The following MTUS1 variants were observed in gnomAD, a reference collection of about 807,000 sequenced individuals.
MTUS1 encodes the protein microtubule-associated tumor suppressor 1.
Under a neutral mutation model 120.8 loss-of-function variants are expected in MTUS1, and 109 were observed. The observed-to-expected ratio is 0.90, with a 90% confidence interval of 0.77 to 1.06. The LOEUF (loss-of-function observed/expected upper bound fraction) is 1.06. Among genes scored for constraint, MTUS1 ranks in the 50% least tolerant of loss-of-function variants. The pLI is 0.00. For synonymous variants in MTUS1, 737 were observed against 550.5 expected (o/e 1.34, Z -4.74); for missense variants, 2,210 against 1,486.3 (o/e 1.49, Z -8.01).
At chr8:17,654,304 C>T in intron 10 of MTUS1, 5 of 489,640 alleles carry the variant, frequency 1.0e-5, no homozygotes, top group Non-Finnish European at 1.8e-5. Flanking sequence ...GCAACCACCA[C>T]CGCCAAAATG....
chr8:17,653,171 G>GCA lies in MTUS1; in HGVS notation c.3384+13_3384+14dup. ...AGAAAAATTCCATACTGATAAAGGAGCACACACAACTTACCAAATTTGCTT... is the reference window on the plus strand; with the variant it reads ...AGAAAAATTCCATACTGATAAAGGAGCACACACACAACTTACCAAATTTGCTT... On this transcript the variant is annotated intron_variant, in intron 12 of 14. Coordinates refer to ENST00000693296, the MANE Select transcript of MTUS1 (RefSeq NM_001363059.2). 7.0e-7 allele frequency: 1 copy of GCA among 1,428,432 alleles called. No homozygotes were observed. The highest frequency in any genetic ancestry group is 9.5e-7 in the Non-Finnish European group (1 of 1,050,902). The allele number at this position is 1,428,432 out of a possible 1,614,324, so 88.5% of individuals were successfully genotyped here.
intron 1 of MTUS1, among the ~76,000 whole-genome samples, chr8:17,773,703 A>G (rs1038773763): frequency 6.6e-6 from 1 of 152,160 alleles, no homozygotes; most frequent in Non-Finnish European, 1.5e-5. Context: ...AATTATCTAA[A>G]TCTAATTACC....
intron 1 of MTUS1, among the ~76,000 whole-genome samples, chr8:17,774,353 T>G (rs2050246107): frequency 6.6e-6 from 1 of 152,218 alleles, no homozygotes; most frequent in Non-Finnish European, 1.5e-5. Flanking sequence ...TTGCTTTTCC[T>G]ACTTGATTCT....
chr8:17,789,702 C>G (rs899613805), intron 1 of MTUS1, among the ~76,000 whole-genome samples: 2 of 152,186 alleles, frequency 1.3e-5, no homozygotes, highest in Non-Finnish European at 2.9e-5. Context: ...CTATGTTAGG[C>G]TTTCTGCTAG....
chr8:17,692,079 T>C (rs945061694), intron 6 of MTUS1: 1 of 152,132 alleles, frequency 6.6e-6, no homozygotes, highest in African/African-American at 2.4e-5. Context: ...TGTTGCAAGA[T>C]CCAACTTGTT....
At chr8:17,748,380 T>A (rs1449422552) in intron 2 of MTUS1, 1 of 152,292 alleles carries the variant, frequency 6.6e-6, no homozygotes, top group Non-Finnish European at 1.5e-5. Context: ...ATCCTTCAGG[T>A]GTCCATGTGA....
chr8:17,779,268 C>T (rs907932524), intron 1 of MTUS1, among the ~76,000 whole-genome samples: 1 of 152,136 alleles, frequency 6.6e-6, no homozygotes, highest in African/African-American at 2.4e-5. Context: ...TGGCCTCCTA[C>T]ATAAGAAGCC....
At chr8:17,765,678 C>CCACACACACACACACA (rs60406848) in intron 1 of MTUS1, among the ~76,000 whole-genome samples, 37 of 130,162 alleles carry the variant, frequency 2.8e-4, no homozygotes, top group South Asian at 2.6e-4. Context: ...AATACAGACA[C>CCACACACACACACACA]CACACACACA....
intron 6 of MTUS1, among the ~76,000 whole-genome samples, chr8:17,694,218 G>T (rs974553146): frequency 6.6e-6 from 1 of 152,158 alleles, no homozygotes; most frequent in African/African-American, 2.4e-5. Context: ...TGAGCCAGTG[G>T]CACCAGCCAG....
chr8:17,779,403 C>T (rs750832198), intron 1 of MTUS1, among the ~76,000 whole-genome samples: 7 of 152,144 alleles, frequency 4.6e-5, no homozygotes, highest in Non-Finnish European at 1.0e-4. Context: ...CAAAAATGAT[C>T]AACACATGTA....
At chr8:17,695,629 T>C (rs1817790606) in intron 6 of MTUS1, among the ~76,000 whole-genome samples, 1 of 152,230 alleles carries the variant, frequency 6.6e-6, no homozygotes, top group Non-Finnish European at 1.5e-5. Context: ...ACAGACAACT[T>C]AGAATGTCTA....
chr8:17,790,917 G>A (rs940302391), intron 1 of MTUS1, among the ~76,000 whole-genome samples: 1 of 152,134 alleles, frequency 6.6e-6, no homozygotes, highest in African/African-American at 2.4e-5. Context: ...AATCCGGGAG[G>A]TGGAGGTTGC....
chr8:17,645,586 ATCT>A lies in MTUS1; in HGVS notation c.*337_*339del. ...GTGAAGAACATTACAAAGGTTATAA[ATCT>A]TAATAGGGCCCTGAGAGTTTTTCCC... On this transcript the variant is annotated 3_prime_UTR_variant, in exon 15 of 15. Coordinates refer to ENST00000693296, the MANE Select transcript of MTUS1 (RefSeq NM_001363059.2). 1 of 200,972 alleles carries A rather than the reference ATCT, an allele frequency of 5.0e-6. No homozygotes were observed. Among genetic ancestry groups the A allele is most frequent in the Non-Finnish European group, 1.0e-5 (1 of 99,614 alleles). The allele number at this position is 200,972 out of a possible 1,614,324, so 12.4% of individuals were successfully genotyped here. A position where few individuals can be genotyped will look rare whatever the true frequency, so the allele number is the denominator to read the frequency against.
chr8:17,730,035 G>A (rs146445139), intron 3 of MTUS1, among the ~76,000 whole-genome samples: 5 of 150,120 alleles, frequency 3.3e-5, no homozygotes, highest in Non-Finnish European at 5.9e-5. Context: ...GTGTTGGCAA[G>A]GACACGGAGA....
intron 8 of MTUS1, among the ~76,000 whole-genome samples, chr8:17,667,498 T>C (rs1811152459): frequency 1.3e-5 from 2 of 152,248 alleles, no homozygotes; most frequent in Admixed American, 1.3e-4. Flanking sequence ...GTGAAGTTCA[T>C]AGACACTGGG....
Position 17,656,927 on chromosome 8 carries a change from T to C in MTUS1, c.2906-862A>G, listed in dbSNP as rs559352292. Among the ~76,000 whole-genome samples, 103 of 150,196 alleles carry C rather than the reference T, an allele frequency of 6.9e-4. 1 individual carries two copies. The South Asian group carries it at 9.2e-3, about 13-fold the overall frequency. ...ACAAAAAATTAGCCGGGTGTGGTGG[T>C]GGGCGCCTGTAGTCCCAGCTACTCG... On this transcript the variant is annotated intron_variant, in intron 8 of 14. Transcript: ENST00000693296.
At chr8:17,689,168 G>A (rs1452552997) in intron 6 of MTUS1, among the ~76,000 whole-genome samples, 2 of 152,054 alleles carry the variant, frequency 1.3e-5, no homozygotes, top group East Asian at 3.9e-4. Flanking sequence ...CCGAGATCAC[G>A]CCACTGCACT....
chr8:17,767,778 A>C (rs1434761686), intron 1 of MTUS1, among the ~76,000 whole-genome samples: 2 of 151,254 alleles, frequency 1.3e-5, no homozygotes, highest in African/African-American at 4.9e-5. Context: ...GGGGAACATG[A>C]AGATAAAGAG....
At chr8:17,748,752 TC>T (rs1002262922) in intron 2 of MTUS1, among the ~76,000 whole-genome samples, 4 of 152,140 alleles carry the variant, frequency 2.6e-5, no homozygotes, top group African/African-American at 9.7e-5. Flanking sequence ...GGCACCCCCA[TC>T]GCAAGTTTTA....
Sources: gnomAD v4.1 joint callset for allele counts (sites outside exome capture counted in the v4.1 genomes callset) on GRCh38, gnomAD v4.1.1 for gene constraint, MANE v1.5 for transcripts, NCBI Gene and HGNC (gene_info 2026-07-23, HGNC 2026-07-21) for gene names.